RBFOX1: variants seen among roughly 807,000 people sequenced by gnomAD.
RBFOX1 encodes RNA binding fox-1 homolog 1, also known as RNA binding protein fox-1 homolog 1.
Under a neutral mutation model 57.7 loss-of-function variants are expected in RBFOX1, and 8 were observed. That is an observed-to-expected ratio of 0.14 (90% confidence interval 0.08 to 0.25). The LOEUF is 0.25. RBFOX1 is among the 10% of genes least tolerant of loss of function. The probability of loss-of-function intolerance (pLI) is 1.00; values close to 1 mark genes in which losing one functional copy is unlikely to be tolerated. For synonymous variants in RBFOX1, 326 were observed against 222.4 expected, an observed-to-expected ratio of 1.47 and a Z score of -4.15; for missense variants, 611 against 548.5, an observed-to-expected ratio of 1.11 and a Z score of -1.14.
At chr16:5,596,597 A>C (rs149839422) in intron 2 of RBFOX1, among the ~76,000 whole-genome samples, 100 of 152,298 alleles carry the variant, frequency 6.6e-4, no homozygotes, top group African/African-American at 2.3e-3. Context: ...CAGGCTGTAG[A>C]TAGGGATCCC....
intron 4 of RBFOX1, among the ~76,000 whole-genome samples, chr16:5,870,480 G>A (rs1489573489): frequency 1.3e-5 from 2 of 151,940 alleles, no homozygotes; most frequent in Non-Finnish European, 2.9e-5. Flanking sequence ...TGGTCATGGT[G>A]GGGGTAAGTG....
At chr16:5,299,606 T>TGA (rs1456660079) in intron 1 of RBFOX1, among the ~76,000 whole-genome samples, 4 of 152,224 alleles carry the variant, frequency 2.6e-5, no homozygotes, top group Non-Finnish European at 5.9e-5. Context: ...GCCATTATTT[T>TGA]TGATTACAGC....
At position 6,077,870 on chromosome 16, in the gene RBFOX1, G is replaced by A. The variant is rs544236256; in HGVS notation, c.-127+57878G>A. Among the ~76,000 whole-genome samples, 142 of 152,020 alleles carry A rather than the reference G, an allele frequency of 9.3e-4. 1 individual carries two copies. The highest frequency in any genetic ancestry group is 2.9e-3 in the African/African-American group (121 of 41,474). Reference sequence around the variant, plus strand: ...CTTTTGGGAGCTTGCATGATATGACGGTTGTGACTAATGTTAGGAACATCC... The same window carrying A: ...CTTTTGGGAGCTTGCATGATATGACAGTTGTGACTAATGTTAGGAACATCC... On this transcript the variant is annotated intron_variant, in intron 1 of 15. Coordinates refer to ENST00000550418, the MANE Select transcript of RBFOX1 (RefSeq NM_018723.4).
intron 3 of RBFOX1, among the ~76,000 whole-genome samples, chr16:6,804,583 G>C (rs1026013926): frequency 6.6e-6 from 1 of 152,170 alleles, no homozygotes; most frequent in Non-Finnish European, 1.5e-5. Flanking sequence ...AAGCTAGGAA[G>C]ATTGATTGGA....
At chr16:7,266,884 G>A (rs1480702347) in intron 4 of RBFOX1, among the ~76,000 whole-genome samples, 1 of 152,134 alleles carries the variant, frequency 6.6e-6, no homozygotes, top group Non-Finnish European at 1.5e-5. Flanking sequence ...AGGACTGGGG[G>A]TGAGTGGTGT....
At chr16:7,181,220 A>T (rs1346839009) in intron 4 of RBFOX1, among the ~76,000 whole-genome samples, 1 of 151,920 alleles carries the variant, frequency 6.6e-6, no homozygotes, top group Non-Finnish European at 1.5e-5. Flanking sequence ...TAGATGTTAA[A>T]TAGGGAAACT....
At chr16:6,072,971 A>C (rs113760627) in intron 1 of RBFOX1, among the ~76,000 whole-genome samples, 4 of 152,154 alleles carry the variant, frequency 2.6e-5, no homozygotes, top group Non-Finnish European at 5.9e-5. Context: ...TTGTGTGTCA[A>C]TTATACCTCC....
At chr16:7,010,613 G>T (rs941428210) in intron 3 of RBFOX1, among the ~76,000 whole-genome samples, 1 of 152,006 alleles carries the variant, frequency 6.6e-6, no homozygotes, top group African/African-American at 2.4e-5. Context: ...GTGGTGGAGT[G>T]ATCTTGGATG....
intron 2 of RBFOX1, among the ~76,000 whole-genome samples, chr16:6,403,369 A>C (rs1394220328): frequency 6.6e-6 from 1 of 151,876 alleles, no homozygotes; most frequent in Non-Finnish European, 1.5e-5. Context: ...CTTATCAGAG[A>C]CTTTTTTTTT....
chr16:7,156,709 A>G (rs1195719677), intron 4 of RBFOX1, among the ~76,000 whole-genome samples: 2 of 152,160 alleles, frequency 1.3e-5, no homozygotes, highest in African/African-American at 4.8e-5. Context: ...TGAGTGAGAC[A>G]TTTAATGGAT....
intron 2 of RBFOX1, among the ~76,000 whole-genome samples, chr16:5,522,479 A>C (rs2044060095): frequency 6.6e-6 from 1 of 152,248 alleles, no homozygotes; most frequent in African/African-American, 2.4e-5. Context: ...TAGGATGTAC[A>C]GTGATCAGGA....
chr16:7,222,305 A>G (rs1044513487), intron 4 of RBFOX1, among the ~76,000 whole-genome samples: 4 of 152,210 alleles, frequency 2.6e-5, no homozygotes, highest in Non-Finnish European at 5.9e-5. Context: ...TAGACAGGCA[A>G]GCAGACCTAA....
chr16:5,768,548 A>G (rs77373871), intron 3 of RBFOX1, among the ~76,000 whole-genome samples: 3,070 of 152,244 alleles, frequency 0.02, 92 homozygotes, highest in African/African-American at 0.069. Flanking sequence ...TTCGGCCCAC[A>G]TGACATACCA....
At chr16:5,465,937 G>A (rs1301794027) in intron 1 of RBFOX1, among the ~76,000 whole-genome samples, 1 of 152,170 alleles carries the variant, frequency 6.6e-6, no homozygotes, top group Non-Finnish European at 1.5e-5. Context: ...GCTGCGGTGG[G>A]TAAGCTCCCA....
At chr16:6,665,788 T>C (rs2098728973) in intron 3 of RBFOX1, among the ~76,000 whole-genome samples, 2 of 152,212 alleles carry the variant, frequency 1.3e-5, no homozygotes, top group Non-Finnish European at 2.9e-5. Context: ...GCATATTCTA[T>C]TATTGAATCC....
chr16:5,328,854 G>A (rs953059066), intron 1 of RBFOX1, among the ~76,000 whole-genome samples: 2 of 152,184 alleles, frequency 1.3e-5, no homozygotes, highest in Admixed American at 6.5e-5. Context: ...CATGGCCCCA[G>A]ACAGGGAAAT....
chr16:5,378,453 A>C (rs2066046356), intron 1 of RBFOX1, among the ~76,000 whole-genome samples: 1 of 151,540 alleles, frequency 6.6e-6, no homozygotes, highest in African/African-American at 2.4e-5. Context: ...GTCCTGGCTA[A>C]CCATGTGACT....
At chr16:6,732,496 A>G (rs1484745363) in intron 3 of RBFOX1, among the ~76,000 whole-genome samples, 2 of 152,078 alleles carry the variant, frequency 1.3e-5, no homozygotes, top group Non-Finnish European at 2.9e-5. Flanking sequence ...TTCCAGGGGG[A>G]TGGGCTTAGG....
At chr16:7,683,078 A>T (rs1465577985) in intron 14 of RBFOX1, among the ~76,000 whole-genome samples, 1 of 136,010 alleles carries the variant, frequency 7.4e-6, no homozygotes, top group Non-Finnish European at 1.6e-5. Context: ...ATATTCTCCA[A>T]AAAATTAGGA....
Sources: allele counts gnomAD v4.1 joint callset (sites outside exome capture counted in the v4.1 genomes callset), GRCh38; gene constraint gnomAD v4.1.1; transcripts MANE v1.5; gene names NCBI Gene and HGNC (gene_info 2026-07-23, HGNC 2026-07-21).